SLC6A20: variants seen among roughly 807,000 people sequenced by gnomAD.
SLC6A20 encodes solute carrier family 6 member 20.
A neutral mutation model predicts 64.3 loss-of-function variants in SLC6A20; 73 were observed. The observed-to-expected ratio is 1.14, with a 90% confidence interval of 0.94 to 1.38. The LOEUF (loss-of-function observed/expected upper bound fraction) is 1.38. Among genes scored for constraint, SLC6A20 ranks in the 40% most tolerant of loss-of-function variants. The pLI is 0.00. For synonymous variants in SLC6A20, 347 were observed against 329.6 expected (o/e 1.05, Z -0.57); for missense variants, 725 against 772.8 (o/e 0.94, Z 0.73).
In SLC6A20 at chr3:45,796,405, C is replaced by T; in HGVS notation, c.15G>A (p.Arg5=). 2.5e-6 allele frequency: 4 copies of T among 1,612,260 alleles called. No individual in the cohort carries two copies. Among genetic ancestry groups the T allele is most frequent in the Non-Finnish European group, 3.4e-6 (4 of 1,179,438 alleles). The change falls in exon 1 of 11, where the codon CGG becomes CGA. Residue 5 remains arginine, a synonymous_variant. Coordinates refer to ENST00000358525, the MANE Select transcript of SLC6A20 (RefSeq NM_020208.4). ...ACTGTAGCGAGTTGGCCCACAGCGGCCGCGCTTTCTCCATGGCCCCGGCCT... is the reference window on the plus strand; with the variant it reads ...ACTGTAGCGAGTTGGCCCACAGCGGTCGCGCTTTCTCCATGGCCCCGGCCT... MEKA[R]PLWANSLQFV... is the part of the protein sequence containing the mutation.
At chr3:45,794,269 T>A (rs1700308951) in intron 1 of SLC6A20, among the ~76,000 whole-genome samples, 1 of 152,180 alleles carries the variant, frequency 6.6e-6, no homozygotes, top group Non-Finnish European at 1.5e-5. Flanking sequence ...GGAGGAGGTT[T>A]GAAGCTGTGT....
chr3:45,761,288 T>C (rs1255532352), intron 9 of SLC6A20, among the ~76,000 whole-genome samples: 1 of 136,330 alleles, frequency 7.3e-6, no homozygotes. Flanking sequence ...CCCAGGACAC[T>C]GTTGCTGGGT....
chr3:45,762,798 G>T, intron 9 of SLC6A20, 115 bp downstream of exon 9: 1 of 1,377,216 alleles, frequency 7.3e-7, no homozygotes, highest in Non-Finnish European at 1.0e-6. Context: ...GAGTCATGAT[G>T]CGAAGCTTAA....
chr3:45,777,279 T>C (rs1412201887), intron 3 of SLC6A20, among the ~76,000 whole-genome samples: 1 of 152,140 alleles, frequency 6.6e-6, no homozygotes, highest in African/African-American at 2.4e-5. Context: ...ACCCAGACAG[T>C]GCTCAGGACT....
chr3:45,796,156 C>A, intron 1 of SLC6A20, 143 bp downstream of exon 1: 1 of 1,461,342 alleles, frequency 6.8e-7, no homozygotes, highest in Non-Finnish European at 9.1e-7. Context: ...TGGGAACACT[C>A]CCGGGTCTGT....
At position 45,776,587 on chromosome 3, in the gene SLC6A20, G is replaced by T. The variant is rs143285180; in HGVS notation, c.355-599C>A. The stretch of plus-strand genomic sequence containing the variant: ...GAAGTCACCAGCACCAGGTTCTCTC[G>T]GGCTCAGACATGCAGGACAGCTGTG... On this transcript the variant is annotated intron_variant, in intron 3 of 10. Transcript: ENST00000358525. Among the ~76,000 whole-genome samples the T allele has an allele frequency of 3.9e-5, 6 of 152,202 alleles. No homozygotes were observed. The East Asian group carries it at 1.2e-3, about 29-fold the overall frequency.
At chr3:45,784,483 G>A (rs990865731) in intron 1 of SLC6A20, among the ~76,000 whole-genome samples, 2 of 152,114 alleles carry the variant, frequency 1.3e-5, no homozygotes, top group African/African-American at 4.8e-5. Context: ...CACTATCTAT[G>A]GAAGAAAAGA....
intron 1 of SLC6A20, among the ~76,000 whole-genome samples, chr3:45,784,937 C>T (rs970406490): frequency 4.6e-5 from 7 of 152,158 alleles, no homozygotes; most frequent in African/African-American, 1.7e-4. Flanking sequence ...ATAACAAACC[C>T]ACTCTCTCAA....
At chr3:45,782,569 TTCCA>T (rs1237325347) in intron 1 of SLC6A20, among the ~76,000 whole-genome samples, 1 of 151,226 alleles carries the variant, frequency 6.6e-6, no homozygotes, top group Non-Finnish European at 1.5e-5. Context: ...CCTTCCTTCC[TTCCA>T]TCCATCTATA....
rs939321303 is a variant in SLC6A20, at chr3:45,772,694, C to T, written c.583-79G>A. The T allele has an allele frequency of 1.2e-5, 14 of 1,147,654 alleles. No homozygotes were observed. In the African/African-American group the frequency reaches 1.7e-4, roughly 14 times the overall value. 71.1% of individuals were successfully genotyped at this position (1,147,654 alleles called of 1,614,324 possible). A position where few individuals can be genotyped will look rare whatever the true frequency, so the allele number is the denominator to read the frequency against. On this transcript the variant is annotated intron_variant, in intron 4 of 10. Transcript: ENST00000358525. The stretch of plus-strand genomic sequence containing the variant: ...CAGACCCATGCCCCATGGAACACCA[C>T]ATCTGGGGTATTCAGGCTGCACCGC...
At chr3:45,783,611 G>A (rs903452219) in intron 1 of SLC6A20, among the ~76,000 whole-genome samples, 1 of 152,214 alleles carries the variant, frequency 6.6e-6, no homozygotes, top group African/African-American at 2.4e-5. Flanking sequence ...AATGAAGCCT[G>A]GTCCACTTGT....
In SLC6A20 at chr3:45,796,406, C is replaced by A; in HGVS notation, c.14G>T (p.Arg5Leu). 1.9e-6 allele frequency: 3 copies of A among 1,612,102 alleles called. No homozygotes were observed. Among genetic ancestry groups the A allele is most frequent in the Non-Finnish European group, 2.5e-6 (3 of 1,179,364 alleles). MEKA[R>L]PLWANSLQFV... The stretch of plus-strand genomic sequence containing the variant: ...CTGTAGCGAGTTGGCCCACAGCGGC[C>A]GCGCTTTCTCCATGGCCCCGGCCTC... The change falls in exon 1 of 11, where the codon CGG becomes CTG. Residue 5 changes from arginine (R) to leucine (L), a missense_variant. By Grantham distance (102) the Arg-to-Leu change is moderately radical (BLOSUM62 -2). Coordinates refer to ENST00000358525, the MANE Select transcript of SLC6A20 (RefSeq NM_020208.4).
chr3:45,759,303 A>C (rs1404779479), intron 10 of SLC6A20, among the ~76,000 whole-genome samples, 176 bp from the exon 11 acceptor site: 1 of 152,250 alleles, frequency 6.6e-6, no homozygotes, highest in Non-Finnish European at 1.5e-5. Context: ...CAGGAGCCTA[A>C]CTGCCCTCAC....
In SLC6A20 at chr3:45,785,647, T is replaced by TCTC. The variant is rs1553664469; in HGVS notation, c.122-3425_122-3424insGAG. Among the ~76,000 whole-genome samples, 3 of 83,324 alleles carry TCTC rather than the reference T, an allele frequency of 3.6e-5. 1 individual carries two copies. The highest frequency in any genetic ancestry group is 1.0e-3 in the South Asian group (2 of 1,936). 54.7% of individuals were successfully genotyped at this position (83,324 alleles called of 152,430 possible). On this transcript the variant is annotated intron_variant, in intron 1 of 10. Transcript: ENST00000358525. ...TCTCTCTCTCTCTCTCTCTCTCTCT[T>TCTC]CCCCCTATTAGTTCTGTCCCTCTAG...
intron 1 of SLC6A20, among the ~76,000 whole-genome samples, chr3:45,787,874 T>C (rs1700195176): frequency 6.6e-6 from 1 of 152,346 alleles, no homozygotes; most frequent in South Asian, 2.1e-4. Flanking sequence ...CTGTGGTGTA[T>C]AGCGTAATGC....
rs1699566765 is a variant in SLC6A20 at position 45,757,401 on chromosome 3, G to A, written c.*1577C>T. 1 of 152,232 alleles carries A rather than the reference G, an allele frequency of 6.6e-6. No individual in the cohort carries two copies. Among genetic ancestry groups the A allele is most frequent in the Non-Finnish European group, 1.5e-5 (1 of 68,098 alleles). 9.4% of individuals were successfully genotyped at this position (152,232 alleles called of 1,614,324 possible). Reference sequence around the variant, plus strand: ...GGGGGGAAACCTTGGACAATACCCAGGCTTTCTTGGGCAGAGGTCCCTGCA... The same window carrying A: ...GGGGGGAAACCTTGGACAATACCCAAGCTTTCTTGGGCAGAGGTCCCTGCA... On this transcript the variant is annotated 3_prime_UTR_variant, in exon 11 of 11. Coordinates refer to ENST00000358525, the MANE Select transcript of SLC6A20 (RefSeq NM_020208.4).
chr3:45,781,932 C>T, intron 2 of SLC6A20, 151 bp downstream of exon 2: 2 of 1,125,676 alleles, frequency 1.8e-6, no homozygotes, highest in Non-Finnish European at 2.3e-6. Flanking sequence ...CTATGTCATC[C>T]CCACCAGGCC....
At chr3:45,772,349 AG>A in intron 5 of SLC6A20, 155 bp downstream of exon 5, 1 of 584,754 alleles carries the variant, frequency 1.7e-6, no homozygotes, top group Non-Finnish European at 3.0e-6. Flanking sequence ...CAGTGACTGC[AG>A]GTACTCCACA....
At position 45,796,332 on chromosome 3, in the gene SLC6A20, G is replaced by A. The variant is rs377708684; in HGVS notation, c.88C>T (p.Arg30Ter). ...SYAVGLGNVW[R>*]FPYLCQMYGG... ...TACATCTGGCACAGGTACGGGAATCGCCACACGTTGCCCAGGCCCACGGCG... is the reference window on the plus strand; with the variant it reads ...TACATCTGGCACAGGTACGGGAATCACCACACGTTGCCCAGGCCCACGGCG... The change falls in exon 1 of 11, where the codon CGA (arginine) becomes TGA (stop). Residue 30 changes from arginine to a stop codon, truncating the protein, a stop_gained. Transcript: ENST00000358525. LOFTEE classifies it high-confidence loss of function. 1.9e-6 allele frequency: 3 copies of A among 1,612,422 alleles called. No individual in the cohort carries two copies. Among genetic ancestry groups the A allele is most frequent in the African/African-American group, 2.7e-5 (2 of 74,768 alleles).
Sources: gnomAD v4.1 joint callset for allele counts (sites outside exome capture counted in the v4.1 genomes callset) on GRCh38, gnomAD v4.1.1 for gene constraint, MANE v1.5 for transcripts, NCBI Gene and HGNC (gene_info 2026-07-23, HGNC 2026-07-21) for gene names.